F11R: variants seen among roughly 807,000 people sequenced by gnomAD.
F11R encodes F11 receptor, also known as junctional adhesion molecule A.
Under a neutral mutation model 39.3 loss-of-function variants are expected in F11R, and 27 were observed. The observed-to-expected ratio is 0.69, with a 90% CI of 0.51 to 0.95. F11R has a LOEUF of 0.95. Among genes scored for constraint, F11R ranks in the 40% least tolerant of loss-of-function variants. F11R has a pLI of 0.00. For synonymous variants in F11R, 131 were observed against 144.9 expected (o/e 0.90, Z 0.69); for missense variants, 335 against 372.7 (o/e 0.90, Z 0.83).
At position 161,015,980 on chromosome 1, in the gene F11R, C is replaced by G. The variant is rs920183449; in HGVS notation, c.64+5030G>C. Among the ~76,000 whole-genome samples, 5 of 152,112 alleles carry G rather than the reference C, an allele frequency of 3.3e-5. No homozygotes were observed. The South Asian group carries it at 6.2e-4, about 19-fold the overall frequency. ...ACAGTAGCTCTATCTTGAATCGGAA[C>G]TGGGCTGGAGACTCCACAAGACATG... is the stretch of plus-strand genomic sequence containing the variant. On this transcript the variant is annotated intron_variant, in intron 1 of 9. Coordinates refer to ENST00000368026, the MANE Select transcript of F11R (RefSeq NM_016946.6).
At chr1:161,009,281 T>A (rs1648997258) in intron 1 of F11R, among the ~76,000 whole-genome samples, 1 of 152,120 alleles carries the variant, frequency 6.6e-6, no homozygotes, top group African/African-American at 2.4e-5. Flanking sequence ...AATTCCCACA[T>A]TATAATGACA....
At chr1:161,006,979 C>T (rs754158909) in intron 1 of F11R, among the ~76,000 whole-genome samples, 4 of 151,556 alleles carry the variant, frequency 2.6e-5, no homozygotes, top group Admixed American at 6.6e-5. Context: ...GTCTGGCCAA[C>T]GTGGCAAAAA....
chr1:161,015,003 G>A lies in F11R; in HGVS notation c.64+6007C>T, dbSNP rs1000992417. Among the ~76,000 whole-genome samples, 8 of 150,728 alleles carry A rather than the reference G, an allele frequency of 5.3e-5. No homozygotes were observed. The East Asian group carries it at 5.8e-4, about 11-fold the overall frequency. On this transcript the variant is annotated intron_variant, in intron 1 of 9. Coordinates refer to ENST00000368026, the MANE Select transcript of F11R (RefSeq NM_016946.6). ...TGAGGCAGGAGAATGGCGTGAACCC[G>A]GGAGGCAGAGCTTGCAGTGAGCCGA...
intron 4 of F11R, 88 bp from the exon 5 acceptor site, chr1:161,000,436 T>A: frequency 6.8e-7 from 1 of 1,461,354 alleles, no homozygotes; most frequent in Non-Finnish European, 9.5e-7. Context: ...CCCCAACTAC[T>A]CAGCTCAAGC....
intron 3 of F11R, 103 bp downstream of exon 3, chr1:161,000,917 C>G (rs950354248): frequency 6.8e-7 from 1 of 1,474,112 alleles, no homozygotes; most frequent in Admixed American, 1.7e-5. Flanking sequence ...ACTTCAGCCC[C>G]AGGGTGTGCC....
Position 161,000,359 on chromosome 1 carries a change from G to A in F11R, c.389-11C>T. ...GCTTGGATGGAGGCACTGTGGAAGA[G>A]AAAGACAGAAGGTGCTGAGTACAGG... On this transcript the variant is annotated splice_polypyrimidine_tract_variant and intron_variant, in intron 4 of 9. Coordinates refer to ENST00000368026, the MANE Select transcript of F11R (RefSeq NM_016946.6). The A allele has an allele frequency of 6.2e-7, 1 of 1,612,974 alleles. No homozygotes were observed. Among genetic ancestry groups the A allele is most frequent in the Non-Finnish European group, 8.5e-7 (1 of 1,179,810 alleles).
At chr1:161,001,848 G>A (rs938900906) in intron 1 of F11R, among the ~76,000 whole-genome samples, 2 of 152,164 alleles carry the variant, frequency 1.3e-5, no homozygotes, top group African/African-American at 4.8e-5. Context: ...AAGTGTTTTC[G>A]TGTACATTAT....
rs894023557 is a variant in F11R at position 160,995,891 on chromosome 1, A to C, written c.*2980T>G. On this transcript the variant is annotated 3_prime_UTR_variant, in exon 10 of 10. Transcript: ENST00000368026. ...CGACAGGAACAACAAACACATCCTT[A>C]ACACTCAATCATTTTATCCCAGATT... 2 of 152,372 alleles carry C rather than the reference A, an allele frequency of 1.3e-5. No individual in the cohort carries two copies. Among genetic ancestry groups the C allele is most frequent in the Non-Finnish European group, 2.9e-5 (2 of 68,042 alleles). The allele number at this position is 152,372 out of a possible 1,614,324, so 9.4% of individuals were successfully genotyped here.
rs755247076 is a variant in F11R, at chr1:160,999,094, G to A, written c.816-3C>T. The A allele has an allele frequency of 1.2e-6, 2 of 1,614,194 alleles. No individual in the cohort carries two copies. Among genetic ancestry groups the A allele is most frequent in the East Asian group, 2.2e-5 (1 of 44,888 alleles). ...AAATCACCTTCTTACTCGAAGTCCTGTGAACAAGCCAGAAGACAGAGACAC... is the reference window on the plus strand; with the variant it reads ...AAATCACCTTCTTACTCGAAGTCCTATGAACAAGCCAGAAGACAGAGACAC... On this transcript the variant is annotated splice_region_variant and splice_polypyrimidine_tract_variant and intron_variant, in intron 8 of 9. Coordinates refer to ENST00000368026, the MANE Select transcript of F11R (RefSeq NM_016946.6).
At chr1:160,999,560 G>C in intron 7 of F11R, 80 bp downstream of exon 7, 1 of 1,490,782 alleles carries the variant, frequency 6.7e-7, no homozygotes, top group Non-Finnish European at 9.4e-7. Flanking sequence ...ACAGTATCAG[G>C]GTCAGTACTC....
chr1:161,017,029 T>G (rs992784519), intron 1 of F11R, among the ~76,000 whole-genome samples: 10 of 152,206 alleles, frequency 6.6e-5, no homozygotes, highest in South Asian at 6.2e-4. Flanking sequence ...GATTAAGGGT[T>G]GTGCAAGATG....
At chr1:161,020,986 C>T in intron 1 of F11R, 24 bp downstream of exon 1, 1 of 1,612,130 alleles carries the variant, frequency 6.2e-7, no homozygotes, top group Non-Finnish European at 8.5e-7. Flanking sequence ...CCAACCGATT[C>T]CTCCCGAAAC....
chr1:161,003,925 C>T (rs528255962), intron 1 of F11R, among the ~76,000 whole-genome samples: 18 of 151,712 alleles, frequency 1.2e-4, no homozygotes, highest in Admixed American at 3.9e-4. Context: ...CCACCATGCC[C>T]GGCTAATTTT....
chr1:160,998,978 T>C, intron 9 of F11R, 65 bp downstream of exon 9: 3 of 1,613,060 alleles, frequency 1.9e-6, no homozygotes, highest in East Asian at 2.2e-5. Flanking sequence ...CACATAAACA[T>C]GGGCTAGAAA....
At position 161,003,851 on chromosome 1, in the gene F11R, G is replaced by A. The variant is rs139417764; in HGVS notation, c.65-2498C>T. ...GCAATCTAGACTCACCACAACCTCC[G>A]CCTCCCAGGTTCAGGAGATTCTCCT... On this transcript the variant is annotated intron_variant, in intron 1 of 9. Coordinates refer to ENST00000368026, the MANE Select transcript of F11R (RefSeq NM_016946.6). Among the ~76,000 whole-genome samples the A allele has an allele frequency of 5.4e-3, 828 of 151,992 alleles. 7 individuals are homozygous for A. The highest frequency in any genetic ancestry group is 0.019 in the African/African-American group (789 of 41,460).
chr1:161,012,572 T>A (rs552488804), intron 1 of F11R, among the ~76,000 whole-genome samples: 1 of 151,326 alleles, frequency 6.6e-6, no homozygotes, highest in Non-Finnish European at 1.5e-5. Context: ...TTTCCTTGAG[T>A]TGCTTTTGTG....
Position 160,997,268 on chromosome 1 carries a change from C to A in F11R, c.*1603G>T, listed in dbSNP as rs1648182317. 6.6e-6 allele frequency: 1 copy of A among 152,372 alleles called. No individual in the cohort carries two copies. The highest frequency in any genetic ancestry group is 2.4e-5 in the African/African-American group (1 of 41,458). The allele number at this position is 152,372 out of a possible 1,614,324, so 9.4% of individuals were successfully genotyped here. ...CCACTAAATACAGTAGCAGTTACTA[C>A]TTTAAACTACTACTAAAGCACTTGT... On this transcript the variant is annotated 3_prime_UTR_variant, in exon 10 of 10. Transcript: ENST00000368026.
intron 5 of F11R, 59 bp from the exon 6 acceptor site, chr1:161,000,037 G>A: frequency 1.9e-6 from 3 of 1,598,638 alleles, no homozygotes; most frequent in Middle Eastern, 1.7e-4. Flanking sequence ...ATTTTTTAAT[G>A]TCTCTTGACC....
chr1:161,000,923 G>A (rs1235531815), intron 3 of F11R, 97 bp downstream of exon 3: 3 of 1,448,694 alleles, frequency 2.1e-6, no homozygotes, highest in African/African-American at 2.8e-5. Context: ...GCCCCAGGGT[G>A]TGCCCTGGGA....
Sources: gnomAD v4.1 joint callset for allele counts (sites outside exome capture counted in the v4.1 genomes callset) on GRCh38, gnomAD v4.1.1 for gene constraint, MANE v1.5 for transcripts, NCBI Gene and HGNC (gene_info 2026-07-23, HGNC 2026-07-21) for gene names.